Variants in SYK observed in about 807,000 individuals in gnomAD.
The protein encoded by SYK is spleen associated tyrosine kinase, also known as tyrosine-protein kinase SYK.
SYK carries 16 observed loss-of-function variants against 77.8 expected under a neutral mutation model. The observed-to-expected ratio is 0.21, with a 90% CI of 0.14 to 0.31. The LOEUF (loss-of-function observed/expected upper bound fraction) is 0.31, where lower values mean the gene tolerates loss of function less well. SYK is among the 10% of genes least tolerant of loss of function. The pLI is 1.00. For synonymous variants in SYK, 312 were observed against 308.7 expected (o/e 1.01, Z -0.11); for missense variants, 529 against 814.4 (o/e 0.65, Z 4.26).
In SYK at chr9:90,865,891, C is replaced by CTTTTTTTTTTTT. The variant is rs10680406; in HGVS notation, c.846+808_846+819dup. ...CTCTTTTCTTGGGGCTACATATGGCCTTTTTTTTTTTTTTTTTTTTTTTTT... is the reference window on the plus strand; with the variant it reads ...CTCTTTTCTTGGGGCTACATATGGCCTTTTTTTTTTTTTTTTTTTTTTTTTTTTTTTTTTTTT... On this transcript the variant is annotated intron_variant, in intron 6 of 13. Transcript: ENST00000375754. 2.0e-4 allele frequency among the ~76,000 whole-genome samples: 12 copies of CTTTTTTTTTTTT among 61,268 alleles called. 2 individuals are homozygous for CTTTTTTTTTTTT. The highest frequency in any genetic ancestry group is 6.0e-4 in the East Asian group (1 of 1,666). The allele number at this position is 61,268 out of a possible 152,430, so 40.2% of individuals were successfully genotyped here. A position where few individuals can be genotyped will look rare whatever the true frequency, so the allele number is the denominator to read the frequency against.
chr9:90,866,481 G>T (rs1827501551), intron 6 of SYK, among the ~76,000 whole-genome samples: 1 of 152,090 alleles, frequency 6.6e-6, no homozygotes, highest in Non-Finnish European at 1.5e-5. Context: ...ACTTTATTTT[G>T]CCCTTTACAG....
intron 7 of SYK, among the ~76,000 whole-genome samples, chr9:90,872,330 TC>T (rs1360827442): frequency 4.6e-5 from 7 of 152,250 alleles, no homozygotes; most frequent in Non-Finnish European, 7.3e-5. Flanking sequence ...TCCGAGGACA[TC>T]CTTTAATTCC....
Position 90,895,479 on chromosome 9 carries a change from A to C in SYK, c.1836-49A>C. The C allele has an allele frequency of 1.2e-6, 2 of 1,604,166 alleles. No homozygotes were observed. Among genetic ancestry groups the C allele is most frequent in the Non-Finnish European group, 1.7e-6 (2 of 1,172,758 alleles). ...GCAGAGGCCCTGCTTGTGATCAGCA[A>C]TTTTTCACAAGCACATTGACAAACA... On this transcript the variant is annotated intron_variant, in intron 13 of 13. Transcript: ENST00000375754. The surrounding 1 kb of genome is among the most constrained non-coding windows in gnomAD (Gnocchi z 4.4).
chr9:90,823,100 C>T (rs1315713114), intron 1 of SYK, among the ~76,000 whole-genome samples: 1 of 152,178 alleles, frequency 6.6e-6, no homozygotes, highest in Non-Finnish European at 1.5e-5. Context: ...AGTTCCAGCA[C>T]CCTCATCACT....
In SYK at chr9:90,877,698, G is replaced by A. The variant is rs1277601136; in HGVS notation, c.1309G>A (p.Gly437Arg). The A allele has an allele frequency of 2.5e-6, 4 of 1,614,104 alleles. No homozygotes were observed. The highest frequency in any genetic ancestry group is 3.4e-6 in the Non-Finnish European group (4 of 1,180,048). The change falls in exon 10 of 14, where the codon GGG becomes AGG. Residue 437 changes from glycine (G) to arginine (R), a missense_variant. By Grantham distance (125) the Gly-to-Arg change is moderately radical (BLOSUM62 -2). Around this residue, in one of 2 missense-constraint regions of SYK, gnomAD observed 208 missense variants for 381.3 expected, o/e 0.55. Transcript: ENST00000375754. ...LDNPYIVRMI[G>R]ICEAESWMLV... Reference sequence around the variant, plus strand: ...CAACCCGTACATCGTGCGGATGATCGGGATATGCGAGGCCGAGTCCTGGAT... The same window carrying A: ...CAACCCGTACATCGTGCGGATGATCAGGATATGCGAGGCCGAGTCCTGGAT...
At chr9:90,826,181 A>G (rs558511847) in intron 1 of SYK, among the ~76,000 whole-genome samples, 1 of 152,202 alleles carries the variant, frequency 6.6e-6, no homozygotes, top group South Asian at 2.1e-4. Flanking sequence ...TGAAGATGGT[A>G]GCTAAGAGAA....
At chr9:90,834,535 A>G (rs1398225443) in intron 1 of SYK, among the ~76,000 whole-genome samples, 1 of 152,050 alleles carries the variant, frequency 6.6e-6, no homozygotes, top group African/African-American at 2.4e-5. Flanking sequence ...AACCACCTCC[A>G]CGGGGTACCA....
At position 90,884,874 on chromosome 9, in the gene SYK, CATATATACAT is replaced by C. The variant is rs1202028728; in HGVS notation, c.1582-2862_1582-2853del. Among the ~76,000 whole-genome samples the C allele has an allele frequency of 1.4e-3, 24 of 17,204 alleles. 9 individuals carry two copies. Among genetic ancestry groups the C allele is most frequent in the African/African-American group, 9.3e-3 (21 of 2,256 alleles). The allele number at this position is 17,204 out of a possible 152,430, so 11.3% of individuals were successfully genotyped here. A position where few individuals can be genotyped will look rare whatever the true frequency, so the allele number is the denominator to read the frequency against. On this transcript the variant is annotated intron_variant, in intron 11 of 13. Transcript: ENST00000375754. ...ACATATGTGTGTATATACATATATACATATATACATATATATACATATGCACATATGTGTA... is the reference window on the plus strand; with the variant it reads ...ACATATGTGTGTATATACATATATACATATATACATATGCACATATGTGTA...
chr9:90,877,240 A>G (rs959772092), intron 9 of SYK, among the ~76,000 whole-genome samples: 2 of 152,082 alleles, frequency 1.3e-5, no homozygotes, highest in East Asian at 1.9e-4. Flanking sequence ...TGGGGGTCTC[A>G]CTATGTTGCC....
Position 90,854,886 on chromosome 9 carries a change from G to A in SYK, c.579-7320G>A, listed in dbSNP as rs183888265. ...TTGTACTAGCCAAGTTCCAGGTGCA[G>A]CATGACACACTCGTTATCTCCACCT... On this transcript the variant is annotated intron_variant, in intron 3 of 13. Coordinates refer to ENST00000375754, the MANE Select transcript of SYK (RefSeq NM_003177.7). Among the ~76,000 whole-genome samples the A allele has an allele frequency of 2.7e-3, 405 of 152,080 alleles. 2 individuals carry two copies. Among genetic ancestry groups the A allele is most frequent in the Non-Finnish European group, 4.3e-3 (291 of 67,988 alleles).
intron 1 of SYK, among the ~76,000 whole-genome samples, chr9:90,805,024 A>AATCTT: frequency 6.6e-6 from 1 of 152,136 alleles, no homozygotes; most frequent in Admixed American, 6.5e-5. Flanking sequence ...GTTAAACTGG[A>AATCTT]ATCTTAAAGA....
chr9:90,885,709 A>C (rs1368605695), intron 11 of SYK, among the ~76,000 whole-genome samples: 1 of 152,202 alleles, frequency 6.6e-6, no homozygotes, highest in African/African-American at 2.4e-5. Context: ...ACAATGCAAA[A>C]TCATCTTCTC....
chr9:90,878,385 T>A (rs1828024238), intron 10 of SYK, among the ~76,000 whole-genome samples: 1 of 152,172 alleles, frequency 6.6e-6, no homozygotes, highest in Admixed American at 6.5e-5. Flanking sequence ...TTAGTCTCCA[T>A]GGAAGGGAGG....
intron 9 of SYK, among the ~76,000 whole-genome samples, chr9:90,875,388 G>A (rs543536082): frequency 6.6e-6 from 1 of 151,796 alleles, no homozygotes; most frequent in African/African-American, 2.4e-5. Flanking sequence ...GGGTAACAAA[G>A]CAAGGCCCTG....
At chr9:90,840,680 T>TAA (rs1340705776) in intron 1 of SYK, among the ~76,000 whole-genome samples, 6 of 151,868 alleles carry the variant, frequency 4.0e-5, no homozygotes, top group African/African-American at 1.5e-4. Context: ...ATTCTTAGAC[T>TAA]CAAAAGTAAA....
At chr9:90,829,163 G>A (rs1336291040) in intron 1 of SYK, among the ~76,000 whole-genome samples, 5 of 151,906 alleles carry the variant, frequency 3.3e-5, no homozygotes, top group African/African-American at 9.7e-5. Flanking sequence ...GGTGGTGTGC[G>A]CTGTAGTCCC....
intron 13 of SYK, among the ~76,000 whole-genome samples, chr9:90,893,627 G>C (rs968739582): frequency 6.6e-6 from 1 of 152,160 alleles, no homozygotes; most frequent in African/African-American, 2.4e-5. Context: ...AGGGTTTTAG[G>C]AGCTCTGTGC....
Position 90,884,882 on chromosome 9 carries a change from CATATATAT to C in SYK, c.1582-2865_1582-2858del, listed in dbSNP as rs765631925. 8.2e-5 allele frequency among the ~76,000 whole-genome samples: 4 copies of C among 48,772 alleles called. 2 individuals carry two copies. Among genetic ancestry groups the C allele is most frequent in the South Asian group, 1.4e-3 (2 of 1,430 alleles). 32.0% of individuals were successfully genotyped at this position (48,772 alleles called of 152,430 possible). A position where few individuals can be genotyped will look rare whatever the true frequency, so the allele number is the denominator to read the frequency against. ...GTGTATATACATATATACATATATA[CATATATAT>C]ACATATGCACATATGTGTATATATA... On this transcript the variant is annotated intron_variant, in intron 11 of 13. Transcript: ENST00000375754.
At chr9:90,892,739 G>A (rs1032419550) in intron 13 of SYK, among the ~76,000 whole-genome samples, 1 of 152,254 alleles carries the variant, frequency 6.6e-6, no homozygotes, top group Non-Finnish European at 1.5e-5. Context: ...TGCAAATGGA[G>A]AGAAGTTGGT....
Sources: allele counts gnomAD v4.1 joint callset (sites outside exome capture counted in the v4.1 genomes callset), GRCh38; gene constraint gnomAD v4.1.1; regional missense constraint gnomAD v4.1.1; non-coding constraint Gnocchi (gnomAD v3.1); transcripts MANE v1.5; gene names NCBI Gene and HGNC (gene_info 2026-07-23, HGNC 2026-07-21).